CYP7B1: variants seen among roughly 807,000 people sequenced by gnomAD.
The protein encoded by CYP7B1 is cytochrome P450 7B1.
In CYP7B1, 29 loss-of-function variants were observed where a neutral mutation model predicts 42.7. The observed-to-expected ratio is 0.68, with a 90% CI of 0.51 to 0.93. CYP7B1 has a LOEUF of 0.93. Among genes scored for constraint, CYP7B1 ranks in the 40% least tolerant of loss-of-function variants. CYP7B1 has a pLI of 0.00. For synonymous variants in CYP7B1, 235 were observed against 218.2 expected (o/e 1.08, Z -0.68); for missense variants, 655 against 600.5 (o/e 1.09, Z -0.95).
intron 1 of CYP7B1, among the ~76,000 whole-genome samples, chr8:64,631,328 A>G (rs996977272): frequency 3.3e-5 from 5 of 152,012 alleles, no homozygotes; most frequent in Non-Finnish European, 5.9e-5. Flanking sequence ...CAGGCTAAAG[A>G]AAAAAAATCA....
intron 5 of CYP7B1, among the ~76,000 whole-genome samples, chr8:64,597,432 C>T (rs936327678): frequency 6.6e-6 from 1 of 152,122 alleles, no homozygotes; most frequent in Non-Finnish European, 1.5e-5. Flanking sequence ...GTTTAGGATC[C>T]GGTGCTGATG....
At chr8:64,628,036 G>T (rs1287597323) in intron 1 of CYP7B1, among the ~76,000 whole-genome samples, 1 of 152,140 alleles carries the variant, frequency 6.6e-6, no homozygotes, top group African/African-American at 2.4e-5. Context: ...TAGGATGCTT[G>T]TTGGGGTTGA....
At chr8:64,770,490 T>C (rs1804203606) in intron 1 of CYP7B1, among the ~76,000 whole-genome samples, 1 of 152,148 alleles carries the variant, frequency 6.6e-6, no homozygotes, top group Non-Finnish European at 1.5e-5. Flanking sequence ...TAAATACCTA[T>C]TAAAAGGGGC....
intron 1 of CYP7B1, among the ~76,000 whole-genome samples, chr8:64,752,272 T>C (rs909113149): frequency 6.6e-6 from 1 of 152,178 alleles, no homozygotes; most frequent in Non-Finnish European, 1.5e-5. Flanking sequence ...CCTGAAATTA[T>C]GTAAAAAACT....
intron 1 of CYP7B1, among the ~76,000 whole-genome samples, chr8:64,651,591 G>A (rs1806039627): frequency 6.6e-6 from 1 of 152,178 alleles, no homozygotes; most frequent in African/African-American, 2.4e-5. Context: ...AATCTCCAGT[G>A]TGATGGTATT....
chr8:64,669,405 G>T (rs1008171693), intron 1 of CYP7B1, among the ~76,000 whole-genome samples: 1 of 151,988 alleles, frequency 6.6e-6, no homozygotes. Flanking sequence ...AGATATAAAA[G>T]GTTTCATACC....
intron 4 of CYP7B1, 34 bp downstream of exon 4, chr8:64,614,992 C>A: frequency 6.2e-7 from 1 of 1,609,394 alleles, no homozygotes. Flanking sequence ...AGAGAGGTAC[C>A]TTCTTTTCTT....
At chr8:64,742,372 G>A (rs371075347) in intron 1 of CYP7B1, among the ~76,000 whole-genome samples, 8 of 152,180 alleles carry the variant, frequency 5.3e-5, no homozygotes, top group Admixed American at 2.0e-4. Flanking sequence ...TAAGAGAGTA[G>A]AAACAGTAGT....
At chr8:64,639,342 T>A (rs955691932) in intron 1 of CYP7B1, among the ~76,000 whole-genome samples, 5 of 152,170 alleles carry the variant, frequency 3.3e-5, no homozygotes, top group African/African-American at 1.2e-4. Flanking sequence ...GTATATATAT[T>A]GAAATATATA....
At chr8:64,784,905 CTT>C (rs1804496149) in intron 1 of CYP7B1, among the ~76,000 whole-genome samples, 2 of 152,140 alleles carry the variant, frequency 1.3e-5, no homozygotes, top group South Asian at 4.1e-4. Context: ...AAATTAAAAA[CTT>C]CTCTTCTGCA....
At chr8:64,695,749 C>T (rs1806817741) in intron 1 of CYP7B1, among the ~76,000 whole-genome samples, 1 of 150,940 alleles carries the variant, frequency 6.6e-6, no homozygotes, top group Non-Finnish European at 1.5e-5. Context: ...GTTTCATGTT[C>T]TCTTGGGCTT....
At chr8:64,773,408 T>A (rs1010884130) in intron 1 of CYP7B1, among the ~76,000 whole-genome samples, 1 of 152,240 alleles carries the variant, frequency 6.6e-6, no homozygotes, top group African/African-American at 2.4e-5. Context: ...ATATTCCCTA[T>A]CAATTGCAGT....
chr8:64,782,828 C>T (rs12674544), intron 1 of CYP7B1, among the ~76,000 whole-genome samples: 21,408 of 152,056 alleles, frequency 0.14, 2,968 homozygotes, highest in African/African-American at 0.36. Context: ...AAATAAACAA[C>T]AAAATGTTTT....
At chr8:64,633,089 T>G (rs537773126) in intron 1 of CYP7B1, among the ~76,000 whole-genome samples, 251 of 152,274 alleles carry the variant, frequency 1.6e-3, no homozygotes, top group African/African-American at 5.9e-3. Flanking sequence ...AGTTCAGATA[T>G]GAAGAAATAA....
rs1407570876 is a variant in CYP7B1, at chr8:64,624,556, A to G, written c.123-17T>C. Reference sequence around the variant, plus strand: ...CCGGGTCTCCTACAAGGAAAAAAAAAAAGATAAAAGAACAAAAGAAAAATC... The same window carrying G: ...CCGGGTCTCCTACAAGGAAAAAAAAGAAGATAAAAGAACAAAAGAAAAATC... On this transcript the variant is annotated splice_polypyrimidine_tract_variant and intron_variant, in intron 1 of 5. Coordinates refer to ENST00000310193, the MANE Select transcript of CYP7B1 (RefSeq NM_004820.5). The G allele has an allele frequency of 6.2e-7, 1 of 1,611,358 alleles. No individual in the cohort carries two copies. The highest frequency in any genetic ancestry group is 2.2e-5 in the East Asian group (1 of 44,830).
chr8:64,588,558 A>G (rs1487454261), downstream of CYP7B1, among the ~76,000 whole-genome samples: 2 of 152,208 alleles, frequency 1.3e-5, no homozygotes, highest in Non-Finnish European at 2.9e-5. Flanking sequence ...CATTTTATAC[A>G]TTTATCCTGC....
intron 1 of CYP7B1, among the ~76,000 whole-genome samples, chr8:64,634,268 A>G (rs1805737779): frequency 6.6e-6 from 1 of 152,168 alleles, no homozygotes. Context: ...TTTTTAAATA[A>G]TAAAGAAATG....
rs1192638511 is a variant in CYP7B1 at position 64,719,976 on chromosome 8, C to T, written c.122+78490G>A. 2.6e-5 allele frequency among the ~76,000 whole-genome samples: 4 copies of T among 152,140 alleles called. No homozygotes were observed. The East Asian group carries it at 7.7e-4, about 29-fold the overall frequency. ...TTAGAAACAGAATAGGAATTCAACC[C>T]TTATTGAGCCTGATTGGAACATAGT... On this transcript the variant is annotated intron_variant, in intron 1 of 5. Coordinates refer to ENST00000310193, the MANE Select transcript of CYP7B1 (RefSeq NM_004820.5).
chr8:64,691,714 A>G (rs1806748057), intron 1 of CYP7B1, among the ~76,000 whole-genome samples: 2 of 152,192 alleles, frequency 1.3e-5, no homozygotes, highest in South Asian at 4.1e-4. Context: ...ACAGTCATGG[A>G]TCATCTGAGC....
Sources: gnomAD v4.1 joint callset for allele counts (sites outside exome capture counted in the v4.1 genomes callset) on GRCh38, gnomAD v4.1.1 for gene constraint, MANE v1.5 for transcripts, NCBI Gene and HGNC (gene_info 2026-07-23, HGNC 2026-07-21) for gene names.